GALNT17: variants seen among roughly 807,000 people sequenced by gnomAD.
GALNT17 encodes the protein polypeptide N-acetylgalactosaminyltransferase 17.
In GALNT17, 29 loss-of-function variants were observed where a neutral mutation model predicts 63.7. The ratio of observed to expected loss-of-function variants is 0.46; its 90% CI spans 0.34 to 0.62. GALNT17 has a LOEUF of 0.62. Ranked by LOEUF, GALNT17 falls within the 20% of genes least tolerant of loss-of-function variation. The pLI is 0.01. For missense variants in GALNT17, 603 were observed against 799.6 expected (o/e 0.75, Z 2.97); for synonymous variants, 305 against 318.3 (o/e 0.96, Z 0.45).
chr7:71,664,643 T>C (rs1790956849), intron 6 of GALNT17, among the ~76,000 whole-genome samples: 1 of 152,154 alleles, frequency 6.6e-6, no homozygotes, highest in South Asian at 2.1e-4. Context: ...AACCCAGAAC[T>C]AGATCATTAT....
chr7:71,358,338 TGAGTC>T (rs1792330842), intron 2 of GALNT17, among the ~76,000 whole-genome samples: 1 of 152,224 alleles, frequency 6.6e-6, no homozygotes. Context: ...GAGGTTGTAG[TGAGTC>T]GAGATTGCGC....
intron 5 of GALNT17, among the ~76,000 whole-genome samples, chr7:71,519,572 T>C (rs758684290): frequency 6.6e-6 from 1 of 152,204 alleles, no homozygotes; most frequent in Non-Finnish European, 1.5e-5. Context: ...CAAGTGATTC[T>C]TGTGCCTCAC....
intron 5 of GALNT17, among the ~76,000 whole-genome samples, chr7:71,430,275 A>T (rs564186931): frequency 1.3e-5 from 2 of 152,280 alleles, no homozygotes; most frequent in South Asian, 4.1e-4. Flanking sequence ...AGAATGAAGG[A>T]TACCATTTAT....
chr7:71,397,950 G>A (rs1290644987), intron 3 of GALNT17, among the ~76,000 whole-genome samples: 3 of 146,242 alleles, frequency 2.1e-5, no homozygotes, highest in African/African-American at 7.9e-5. Context: ...CTTTGTTGTT[G>A]TTGTTGTTGT....
intron 5 of GALNT17, among the ~76,000 whole-genome samples, chr7:71,478,489 T>A (rs901891299): frequency 6.6e-6 from 1 of 152,002 alleles, no homozygotes; most frequent in Non-Finnish European, 1.5e-5. Flanking sequence ...AATTTTTGAA[T>A]TTTTCTATAG....
At chr7:71,709,796 G>T (rs981842) in intron 9 of GALNT17, among the ~76,000 whole-genome samples, 58,544 of 151,866 alleles carry the variant, frequency 0.39, 13,659 homozygotes, top group Non-Finnish European at 0.52. Context: ...ACGGAGTTTG[G>T]CCATGTTGGT....
At chr7:71,183,510 G>T (rs1244684837) in intron 1 of GALNT17, among the ~76,000 whole-genome samples, 2 of 152,170 alleles carry the variant, frequency 1.3e-5, no homozygotes, top group East Asian at 3.9e-4. Context: ...CCCCAGGTAA[G>T]AGTTGATTCC....
intron 5 of GALNT17, among the ~76,000 whole-genome samples, chr7:71,449,868 C>A (rs955643497): frequency 6.6e-6 from 1 of 151,472 alleles, no homozygotes; most frequent in Admixed American, 6.6e-5. Flanking sequence ...ATGGAGAAAC[C>A]CCATCTCTAC....
At chr7:71,579,561 G>C (rs767749077) in intron 6 of GALNT17, among the ~76,000 whole-genome samples, 6 of 152,210 alleles carry the variant, frequency 3.9e-5, no homozygotes, top group Non-Finnish European at 7.3e-5. Context: ...TGCTGTTTAA[G>C]AATTCTAAAG....
At chr7:71,167,319 G>T (rs1788461653) in intron 1 of GALNT17, among the ~76,000 whole-genome samples, 1 of 152,042 alleles carries the variant, frequency 6.6e-6, no homozygotes. Flanking sequence ...ATAGCACTTT[G>T]TTCAAATTTC....
At chr7:71,402,098 G>A (rs1189632602) in intron 3 of GALNT17, among the ~76,000 whole-genome samples, 1 of 152,188 alleles carries the variant, frequency 6.6e-6, no homozygotes, top group Non-Finnish European at 1.5e-5. Context: ...GTGTAAGTTG[G>A]GGTAATAGTA....
chr7:71,450,941 T>TA (rs1339560021), intron 5 of GALNT17, among the ~76,000 whole-genome samples: 3 of 151,784 alleles, frequency 2.0e-5, no homozygotes, highest in African/African-American at 4.8e-5. Flanking sequence ...CTTTTTTTTT[T>TA]TTATTATACT....
chr7:71,256,880 C>G (rs1379164891), intron 1 of GALNT17, among the ~76,000 whole-genome samples: 1 of 152,148 alleles, frequency 6.6e-6, no homozygotes, highest in African/African-American at 2.4e-5. Context: ...AGAGGTCCTG[C>G]CATCCCAGAT....
Position 71,622,615 on chromosome 7 carries a change from G to T in GALNT17, c.1081-42796G>T, listed in dbSNP as rs139343630. On this transcript the variant is annotated intron_variant, in intron 6 of 10. Transcript: ENST00000333538. ...TCACTTTAGGATCTAACACTTCCAGGACACAACAGCTCTCATGAGTTGACC... is the reference window on the plus strand; with the variant it reads ...TCACTTTAGGATCTAACACTTCCAGTACACAACAGCTCTCATGAGTTGACC... Among the ~76,000 whole-genome samples the T allele has an allele frequency of 2.0e-3, 306 of 152,178 alleles. 3 individuals carry two copies. Among genetic ancestry groups the T allele is most frequent in the African/African-American group, 7.1e-3 (293 of 41,512 alleles).
chr7:71,684,091 G>C (rs1159662579), intron 9 of GALNT17, among the ~76,000 whole-genome samples: 1 of 151,594 alleles, frequency 6.6e-6, no homozygotes, highest in Non-Finnish European at 1.5e-5. Flanking sequence ...TGGAACAGAA[G>C]TTCTTGTCTA....
chr7:71,170,755 T>G (rs1326138506), intron 1 of GALNT17, among the ~76,000 whole-genome samples: 3 of 152,302 alleles, frequency 2.0e-5, no homozygotes, highest in Admixed American at 6.5e-5. Flanking sequence ...GATTGGGAGT[T>G]AAATTGCCCC....
intron 5 of GALNT17, among the ~76,000 whole-genome samples, chr7:71,555,186 C>T (rs539476096): frequency 2.8e-4 from 42 of 151,824 alleles, no homozygotes; most frequent in South Asian, 2.5e-3. Context: ...CCAAACAGGT[C>T]CCATCAGGCC....
At chr7:71,321,921 TCCCCTCCCTCCCTCCCTC>T (rs1791620648) in intron 1 of GALNT17, among the ~76,000 whole-genome samples, 19 of 32,160 alleles carry the variant, frequency 5.9e-4, no homozygotes, top group East Asian at 1.5e-3. Context: ...CTTCCTTCCT[TCCCCTCCCTCCCTCCCTC>T]CCTCCCTTCC....
At chr7:71,509,999 C>A (rs1329252778) in intron 5 of GALNT17, among the ~76,000 whole-genome samples, 2 of 151,856 alleles carry the variant, frequency 1.3e-5, no homozygotes, top group Admixed American at 1.3e-4. Context: ...ACCTGGAGTA[C>A]AGTGGTGCAA....
Sources: allele counts gnomAD v4.1 joint callset (sites outside exome capture counted in the v4.1 genomes callset), GRCh38; gene constraint gnomAD v4.1.1; transcripts MANE v1.5; gene names NCBI Gene and HGNC (gene_info 2026-07-23, HGNC 2026-07-21).